The following FLNA variants were observed in gnomAD, a reference collection of about 807,000 sequenced individuals.
FLNA encodes filamin A, also known as filamin-A.
Under a neutral mutation model 157.6 loss-of-function variants are expected in FLNA, and 7 were observed. The ratio of observed to expected loss-of-function variants is 0.04; its 90% confidence interval spans 0.03 to 0.08. The LOEUF (loss-of-function observed/expected upper bound fraction) is 0.08. Ranked by LOEUF, FLNA falls within the 10% of genes least tolerant of loss-of-function variation. The pLI is 1.00. For synonymous variants in FLNA, 1,103 were observed against 1,060.8 expected, an observed-to-expected ratio of 1.04 and a Z score of -0.77; for missense variants, 1,750 against 2,398.4, an observed-to-expected ratio of 0.73 and a Z score of 5.65.
intron 11 of FLNA, 84 bp from the exon 12 acceptor site, chrX:154,365,041 G>A: frequency 1.7e-6 from 2 of 1,202,212 alleles, no homozygotes; most frequent in South Asian, 1.8e-5. Context: ...CAGGCAGGAA[G>A]AGCCCATGTG....
chrX:154,348,761 G>GGCCTGGGCC lies in FLNA; in HGVS notation c.*79_*87dup, dbSNP rs1418559426. ...GCAGTGACAGGCGGGCGGCCAGGGC[G>GGCCTGGGCC]GCCTGGGCCGGGGTTGAGGGGAAGA... On this transcript the variant is annotated 3_prime_UTR_variant, in exon 48 of 48. Coordinates refer to ENST00000369850, the MANE Select transcript of FLNA (RefSeq NM_001110556.2). 1.8e-5 allele frequency: 15 copies of GGCCTGGGCC among 855,164 alleles called. No homozygotes were observed. In the African/African-American group the frequency reaches 3.5e-4, roughly 20 times the overall value. The allele number at this position is 855,164 out of a possible 1,213,427, so 70.5% of individuals were successfully genotyped here.
At chrX:154,369,734 G>C (rs1250363031) in intron 2 of FLNA, among the ~76,000 whole-genome samples, 1 of 111,878 alleles carries the variant, frequency 8.9e-6, no homozygotes, top group African/African-American at 3.2e-5. Context: ...CCAGGACTGA[G>C]ATGACTCAGC....
intron 11 of FLNA, 68 bp from the exon 12 acceptor site, chrX:154,365,025 G>T: frequency 8.3e-7 from 1 of 1,205,541 alleles, no homozygotes; most frequent in Non-Finnish European, 1.1e-6. Context: ...GCCCCACTGT[G>T]GCGGCCAGGC....
At chrX:154,371,506 C>T (rs1370422318) in intron 1 of FLNA, 145 bp from the exon 2 acceptor site, 1 of 383,011 alleles carries the variant, frequency 2.6e-6, no homozygotes, top group Non-Finnish European at 4.5e-6. Context: ...ACTAGGCCCC[C>T]GGGTTCGGCT....
At chrX:154,349,266 C>A in intron 47 of FLNA, 96 bp downstream of exon 47, 1 of 970,201 alleles carries the variant, frequency 1.0e-6, no homozygotes, top group Non-Finnish European at 1.5e-6. Flanking sequence ...GAAAGCCACG[C>A]CCCAAAGGCG....
At chrX:154,356,292 G>C (rs113002660) in intron 30 of FLNA, among the ~76,000 whole-genome samples, 8,573 of 110,980 alleles carry the variant, frequency 0.077, 907 homozygotes, top group African/African-American at 0.27. Context: ...CAACTTCAGC[G>C]CCCCCTTCCC....
intron 47 of FLNA, 118 bp from the exon 48 acceptor site, chrX:154,349,154 C>T: frequency 1.2e-6 from 1 of 823,396 alleles, no homozygotes; most frequent in Non-Finnish European, 1.8e-6. Context: ...TCCTAAAGAG[C>T]TGCCAGCACC....
At position 154,365,460 on chromosome X, in the gene FLNA, C is replaced by T. The variant is rs1557179006; in HGVS notation, c.1456G>A (p.Val486Ile). The T allele has an allele frequency of 2.5e-6, 3 of 1,211,646 alleles. No individual in the cohort carries two copies. Among genetic ancestry groups the T allele is most frequent in the Admixed American group, 4.3e-5 (2 of 46,173 alleles). ...CCCTTGGGCTGGAGGCCCCGGCCAACCGCCCGGCAGGCACTCGGGTTACAG... is the reference window on the plus strand; with the variant it reads ...CCCTTGGGCTGGAGGCCCCGGCCAATCGCCCGGCAGGCACTCGGGTTACAG... ...QACNPSACRA[V>I]GRGLQPKGVR... The change falls in exon 10 of 48, where the codon GTT becomes ATT. Residue 486 changes from valine to isoleucine, a missense_variant. This residue lies in a region of FLNA where 648 missense variants were observed against 805.8 expected (regional missense o/e 0.80). Coordinates refer to ENST00000369850, the MANE Select transcript of FLNA (RefSeq NM_001110556.2).
At chrX:154,371,422 T>G in intron 1 of FLNA, 61 bp from the exon 2 acceptor site, 3 of 420,064 alleles carry the variant, frequency 7.1e-6, no homozygotes, top group Middle Eastern at 8.2e-4. Context: ...GCGGGCCTCC[T>G]GCGGGGAGGG....
In FLNA at chrX:154,371,168, G is replaced by C. The variant is rs782540418; in HGVS notation, c.78C>G (p.Ala26=). The C allele has an allele frequency of 8.4e-7, 1 of 1,193,911 alleles. No individual in the cohort carries two copies. Among genetic ancestry groups the C allele is most frequent in the Non-Finnish European group, 1.1e-6 (1 of 887,598 alleles). ...APGGGVDTRD[A]EMPATEKDLA... is the part of the protein sequence containing the mutation. ...GGTCCTTCTCGGTGGCCGGCATCTC[G>C]GCGTCCCGCGTGTCGACGCCGCCGC... The change falls in exon 2 of 48, where the codon GCC becomes GCG. Residue 26 remains alanine (A), a synonymous_variant. Coordinates refer to ENST00000369850, the MANE Select transcript of FLNA (RefSeq NM_001110556.2).
chrX:154,361,844 C>A, intron 19 of FLNA, 57 bp from the exon 20 acceptor site: 1 of 1,109,424 alleles, frequency 9.0e-7, no homozygotes, highest in Non-Finnish European at 1.2e-6. Flanking sequence ...TGCTCCCCAA[C>A]CCCCTCCTGG....
intron 46 of FLNA, 40 bp downstream of exon 46, chrX:154,349,609 G>T (rs375433852): frequency 8.3e-7 from 1 of 1,209,283 alleles, no homozygotes; most frequent in Non-Finnish European, 1.1e-6. Flanking sequence ...CTGTGGTGCC[G>T]GGCGTTGGGC....
intron 30 of FLNA, among the ~76,000 whole-genome samples, chrX:154,356,577 G>C (rs1315981179): frequency 8.9e-6 from 1 of 112,777 alleles, no homozygotes; most frequent in African/African-American, 3.2e-5. Flanking sequence ...CAGCATCCCT[G>C]GGTGTCCCTG....
rs781804897 is a variant in FLNA, at chrX:154,348,956, G to C, written c.7837C>G (p.Leu2613Val). 1.7e-6 allele frequency: 2 copies of C among 1,211,318 alleles called. No individual in the cohort carries two copies. The highest frequency in any genetic ancestry group is 1.1e-6 in the Non-Finnish European group (1 of 895,095). Residue 2613 changes from leucine to valine, a missense_variant, in exon 48 of 48, where the codon CTC becomes GTC. Physicochemically the swap from Leu to Val is conservative, Grantham distance 32. Around this residue, in one of 5 missense-constraint regions of FLNA, gnomAD observed 970 missense variants for 1,302.6 expected, o/e 0.74. Transcript: ENST00000369850. The stretch of plus-strand genomic sequence containing the variant: ...TTGAGCAGGTAGGACACGCTGTAGA[G>C]CCGGCTGCCCACGTGCTTCACCAGG... ...EILVKHVGSR[L>V]YSVSYLLKDK...
chrX:154,359,600 G>T lies in FLNA; in HGVS notation c.4026C>A (p.Ser1342Arg). 8.3e-7 allele frequency: 1 copy of T among 1,211,075 alleles called. No individual in the cohort carries two copies. The highest frequency in any genetic ancestry group is 1.1e-6 in the Non-Finnish European group (1 of 895,392). Residue 1342 changes from serine to arginine, a missense_variant, in exon 24 of 48, where the codon AGC becomes AGA. Physicochemically the swap from Ser to Arg is moderately radical, Grantham distance 110. Around this residue, in one of 5 missense-constraint regions of FLNA, gnomAD observed 970 missense variants for 1,302.6 expected, o/e 0.74. Coordinates refer to ENST00000369850, the MANE Select transcript of FLNA (RefSeq NM_001110556.2). ...DVTYDGSPVP[S>R]SPFQVPVTEG... ...CGGTCACGGGCACCTGGAAGGGGCT[G>T]CTGGGCACGGGACTGCCGTCATAGG... is the stretch of plus-strand genomic sequence containing the variant.
intron 30 of FLNA, 62 bp from the exon 31 acceptor site, chrX:154,355,134 C>T (rs1223795069): frequency 4.4e-6 from 5 of 1,133,942 alleles, no homozygotes; most frequent in African/African-American, 1.8e-5. Flanking sequence ...TCAGGTTGTT[C>T]CCGTCCGCCT....
intron 2 of FLNA, among the ~76,000 whole-genome samples, chrX:154,369,565 G>C (rs1396321421): frequency 9.9e-6 from 1 of 101,092 alleles, no homozygotes; most frequent in Non-Finnish European, 2.0e-5. Context: ...AATCACTGCT[G>C]CTTTCCAACA....
intron 1 of FLNA, among the ~76,000 whole-genome samples, chrX:154,371,716 C>CG (rs2067810273): frequency 8.9e-6 from 1 of 112,950 alleles, no homozygotes; most frequent in Non-Finnish European, 1.9e-5. Flanking sequence ...AGGGCCCCTG[C>CG]GGGGGGTGGG....
In FLNA at chrX:154,357,263, C is replaced by T; in HGVS notation, c.4957G>A (p.Gly1653Ser). 8.3e-7 allele frequency: 1 copy of T among 1,210,997 alleles called. No homozygotes were observed. Among genetic ancestry groups the T allele is most frequent in the Non-Finnish European group, 1.1e-6 (1 of 895,027 alleles). Residue 1653 changes from glycine (G) to serine (S), a missense_variant, in exon 30 of 48, where the codon GGT becomes AGT. Physicochemically the swap from Gly to Ser is moderately conservative, Grantham distance 56. This residue lies in a region of FLNA where 970 missense variants were observed against 1,302.6 expected (regional missense o/e 0.74). Transcript: ENST00000369850. ...GCAAGCAGCTTACCTAGCCCGTGAC[C>T]TCCGATTGACACTGAGGTGAGAGGG... is the stretch of plus-strand genomic sequence containing the variant. ...SKCTVTVSIGGHGLGAGIGPT... is the reference protein window; with the variant it reads ...SKCTVTVSIGSHGLGAGIGPT...
Sources: gnomAD v4.1 joint callset for allele counts (sites outside exome capture counted in the v4.1 genomes callset) on GRCh38, gnomAD v4.1.1 for gene constraint, gnomAD v4.1.1 regional missense constraint, MANE v1.5 for transcripts, NCBI Gene and HGNC (gene_info 2026-07-23, HGNC 2026-07-21) for gene names.